CSMD2: variants seen among roughly 807,000 people sequenced by gnomAD.
CSMD2 encodes CUB and Sushi multiple domains 2.
CSMD2 carries 130 observed loss-of-function variants against 398.5 expected under a neutral mutation model. That is an observed-to-expected ratio of 0.33 (90% CI 0.28 to 0.38). CSMD2 has a LOEUF of 0.38. CSMD2 is among the 10% of genes least tolerant of loss of function. The pLI, the probability that CSMD2 is intolerant of heterozygous loss-of-function variation, is 1.00. For synonymous variants in CSMD2, 1,828 were observed against 1,908.5 expected (o/e 0.96, Z 1.10); for missense variants, 3,829 against 4,764.9 (o/e 0.80, Z 5.78).
intron 64 of CSMD2, among the ~76,000 whole-genome samples, chr1:33,530,227 G>GA (rs1655116154): frequency 6.6e-6 from 1 of 151,502 alleles, no homozygotes; most frequent in Non-Finnish European, 1.5e-5. Context: ...CATATAGAAG[G>GA]AACTAAAACA....
chr1:33,752,653 G>A (rs1264263370), intron 13 of CSMD2, among the ~76,000 whole-genome samples: 2 of 152,222 alleles, frequency 1.3e-5, no homozygotes, highest in South Asian at 2.1e-4. Flanking sequence ...AGCAGCTTTG[G>A]AACTGGGTAA....
chr1:34,165,609 C>T (rs567116308), upstream of CSMD2: 773 of 766,250 alleles, frequency 1.0e-3, 1 homozygote, highest in Non-Finnish European at 1.5e-3. Context: ...AACACACACA[C>T]ACACACACAG....
chr1:33,760,367 T>C (rs79390453), intron 13 of CSMD2, among the ~76,000 whole-genome samples: 2,902 of 152,286 alleles, frequency 0.019, 38 homozygotes, highest in South Asian at 0.03. Context: ...TGATACCTTA[T>C]GGAACAAAGC....
chr1:33,698,867 C>G lies in CSMD2; in HGVS notation c.3811G>C (p.Gly1271Arg). 1 of 1,614,204 alleles carries G rather than the reference C, an allele frequency of 6.2e-7. No individual in the cohort carries two copies. Among genetic ancestry groups the G allele is most frequent in the Non-Finnish European group, 8.5e-7 (1 of 1,180,010 alleles). ...TCACAGCTGAAGGACACGGAGCTCCCTGCAAAATGACCTTCATCATGAACC... is the reference window on the plus strand; with the variant it reads ...TCACAGCTGAAGGACACGGAGCTCCGTGCAAAATGACCTTCATCATGAACC... ...YKVHDEGHFA[G>R]SSVSFSCDPG... is the part of the protein sequence containing the mutation. The change falls in exon 24 of 71, where the codon GGG (glycine) becomes CGG (arginine). Residue 1271 changes from glycine to arginine, a missense_variant. Physicochemically the swap from Gly to Arg is moderately radical, Grantham distance 125 (BLOSUM62 -2). Around this residue, in one of 5 missense-constraint regions of CSMD2, gnomAD observed 2,001 missense variants for 2,567.1 expected, o/e 0.78. Transcript: ENST00000373381.
chr1:33,866,965 C>T (rs189736704), intron 5 of CSMD2, among the ~76,000 whole-genome samples: 27 of 152,294 alleles, frequency 1.8e-4, no homozygotes, highest in Non-Finnish European at 3.2e-4. Flanking sequence ...GGTAATATAG[C>T]GGATATACTC....
At chr1:33,941,001 G>A (rs990738877) in intron 3 of CSMD2, among the ~76,000 whole-genome samples, 1 of 151,578 alleles carries the variant, frequency 6.6e-6, no homozygotes, top group Non-Finnish European at 1.5e-5. Flanking sequence ...TTTTTTTTTA[G>A]AATGTCCGTG....
chr1:33,812,242 G>A (rs189047086), intron 9 of CSMD2, among the ~76,000 whole-genome samples: 181 of 152,296 alleles, frequency 1.2e-3, no homozygotes, highest in African/African-American at 3.8e-3. Flanking sequence ...GGGAGCAGGT[G>A]GAAAAACATT....
At chr1:33,683,166 T>C (rs997625220) in intron 25 of CSMD2, among the ~76,000 whole-genome samples, 3 of 152,330 alleles carry the variant, frequency 2.0e-5, no homozygotes, top group Admixed American at 1.3e-4. Context: ...GTGTGTTTAA[T>C]TTCTTCGCAT....
chr1:33,868,797 A>G (rs1405549478), intron 5 of CSMD2, among the ~76,000 whole-genome samples: 5 of 152,156 alleles, frequency 3.3e-5, no homozygotes, highest in African/African-American at 1.2e-4. Flanking sequence ...TTGATAGGGT[A>G]AAGTACTCAC....
rs1175679386 is a variant in CSMD2 at position 33,714,620 on chromosome 1, G to A, written c.3373C>T (p.Arg1125Cys). The A allele has an allele frequency of 1.2e-6, 2 of 1,613,918 alleles. No individual in the cohort carries two copies. Among genetic ancestry groups the A allele is most frequent in the Admixed American group, 3.3e-5 (2 of 60,024 alleles). Residue 1125 changes from arginine (R) to cysteine (C), a missense_variant, in exon 21 of 71, where the codon CGC becomes TGC. Arg to Cys is a radical substitution (Grantham distance 180, BLOSUM62 -3). Around this residue, in one of 5 missense-constraint regions of CSMD2, gnomAD observed 2,001 missense variants for 2,567.1 expected, o/e 0.78. Coordinates refer to ENST00000373381, the MANE Select transcript of CSMD2 (RefSeq NM_001281956.2). ...ARITCLGGRR[R>C]LWSSPLPRCV... The stretch of plus-strand genomic sequence containing the variant: ...CTTGGCAGAGGCGAGCTCCACAGGC[G>A]CCGTCTGCCCCCCAGGCACGTGATG...
intron 13 of CSMD2, among the ~76,000 whole-genome samples, chr1:33,748,728 C>G (rs565954426): frequency 6.6e-6 from 1 of 152,056 alleles, no homozygotes; most frequent in Non-Finnish European, 1.5e-5. Flanking sequence ...TGTCCAAAAG[C>G]ATGAAAGAGA....
intron 25 of CSMD2, among the ~76,000 whole-genome samples, chr1:33,670,653 C>A (rs1644466199): frequency 6.6e-6 from 1 of 152,206 alleles, no homozygotes; most frequent in South Asian, 2.1e-4. Context: ...TGGGATACTG[C>A]AACCATGGTC....
chr1:33,561,930 G>C (rs1346330200), intron 53 of CSMD2, among the ~76,000 whole-genome samples: 1 of 152,142 alleles, frequency 6.6e-6, no homozygotes, highest in African/African-American at 2.4e-5. Context: ...CTTCCCTGAA[G>C]GCGGAAATCA....
chr1:34,083,827 G>A (rs2148347563), intron 2 of CSMD2, among the ~76,000 whole-genome samples: 1 of 152,234 alleles, frequency 6.6e-6, no homozygotes, highest in African/African-American at 2.4e-5. Flanking sequence ...GCTGAAGTGG[G>A]GGAAGTGCTT....
At chr1:34,025,362 C>A (rs1009831172) in intron 3 of CSMD2, among the ~76,000 whole-genome samples, 32 of 152,118 alleles carry the variant, frequency 2.1e-4, no homozygotes, top group African/African-American at 7.0e-4. Context: ...CAAATCGTGA[C>A]AATGAAAATG....
At chr1:34,039,531 C>T (rs137870942) in intron 2 of CSMD2, among the ~76,000 whole-genome samples, 1 of 152,274 alleles carries the variant, frequency 6.6e-6, no homozygotes, top group African/African-American at 2.4e-5. Flanking sequence ...ATGGTGAGGC[C>T]AACAGATCAG....
chr1:33,608,020 T>C (rs1221211820), intron 41 of CSMD2, among the ~76,000 whole-genome samples: 4 of 152,204 alleles, frequency 2.6e-5, no homozygotes, highest in South Asian at 2.1e-4. Flanking sequence ...GACAGGCCCA[T>C]CCCAGGGAGG....
At position 34,129,003 on chromosome 1, in the gene CSMD2, A is replaced by ACCC. The variant is rs746867346; in HGVS notation, c.187+35905_187+35907dup. Among the ~76,000 whole-genome samples, 18 of 81,208 alleles carry ACCC rather than the reference A, an allele frequency of 2.2e-4. No homozygotes were observed. The South Asian group carries it at 4.1e-3, about 18-fold the overall frequency. 53.3% of individuals were successfully genotyped at this position (81,208 alleles called of 152,430 possible). ...GTCCACGTCCACTACATACATGTGT[A>ACCC]CCCCCCCCCACACACACACACATAT... is the stretch of plus-strand genomic sequence containing the variant. On this transcript the variant is annotated intron_variant, in intron 1 of 70. Coordinates refer to ENST00000373381, the MANE Select transcript of CSMD2 (RefSeq NM_001281956.2).
At chr1:33,557,645 C>G in intron 55 of CSMD2, 89 bp downstream of exon 55, 1 of 1,099,150 alleles carries the variant, frequency 9.1e-7, no homozygotes, top group Non-Finnish European at 1.3e-6. Flanking sequence ...CACACACACA[C>G]ACACACACAC....
Sources: allele counts gnomAD v4.1 joint callset (sites outside exome capture counted in the v4.1 genomes callset), GRCh38; gene constraint gnomAD v4.1.1; regional missense constraint gnomAD v4.1.1; transcripts MANE v1.5; gene names NCBI Gene and HGNC (gene_info 2026-07-23, HGNC 2026-07-21).